Variants in PUDP observed in about 807,000 individuals in gnomAD.
PUDP encodes pseudouridine 5'-phosphatase.
In PUDP, 8 loss-of-function variants were observed where a neutral mutation model predicts 9.4. That is an observed-to-expected ratio of 0.85 (90% CI 0.50 to 1.53). The LOEUF (loss-of-function observed/expected upper bound fraction) is 1.53, where lower values mean the gene tolerates loss of function less well. Ranked by LOEUF, PUDP falls within the 40% of genes most tolerant of loss-of-function variation. The probability of loss-of-function intolerance (pLI) is 0.00; values close to 1 mark genes in which losing one functional copy is unlikely to be tolerated. For synonymous variants in PUDP, 99 were observed against 80.7 expected (o/e 1.23, Z -1.22); for missense variants, 188 against 189.7 (o/e 0.99, Z 0.05).
At chrX:7,081,641 C>T (rs1931091406) in intron 2 of PUDP, among the ~76,000 whole-genome samples, 1 of 112,577 alleles carries the variant, frequency 8.9e-6, no homozygotes, top group Non-Finnish European at 1.9e-5. Flanking sequence ...CTGAGATCTC[C>T]AAAATGCTTG....
intron 3 of PUDP, among the ~76,000 whole-genome samples, chrX:6,869,754 G>A (rs1927144832): frequency 9.0e-6 from 1 of 110,758 alleles, no homozygotes; most frequent in Admixed American, 9.7e-5. Flanking sequence ...AAATTACCCA[G>A]AAGGTAACAA....
intron 3 of PUDP, among the ~76,000 whole-genome samples, chrX:7,072,227 A>G (rs998924316): frequency 8.9e-6 from 1 of 111,811 alleles, no homozygotes; most frequent in African/African-American, 3.3e-5. Context: ...GGTTTCCACG[A>G]AAAAGAGTAG....
chrX:6,955,445 A>G (rs1408177005), intron 3 of PUDP, among the ~76,000 whole-genome samples: 2 of 110,704 alleles, frequency 1.8e-5, no homozygotes, highest in African/African-American at 3.3e-5. Flanking sequence ...GTCGACTTTT[A>G]GTTCTTTATA....
chrX:6,983,135 C>T (rs1425687044), intron 1 of PUDP, among the ~76,000 whole-genome samples: 1 of 112,001 alleles, frequency 8.9e-6, no homozygotes, highest in African/African-American at 3.2e-5. Context: ...TAGACATAGG[C>T]GATTTATCAA....
rs143922185 is a variant in PUDP, at chrX:7,119,105, C to G, written c.62-13267G>C. On this transcript the variant is annotated intron_variant, in intron 1 of 3. Transcript: ENST00000381077. ...CTAACTAATTTCAATGACCTATTAT[C>G]TAAGAAATGTCCTCTCAGACCCGAA... 5.1e-3 allele frequency among the ~76,000 whole-genome samples: 572 copies of G among 112,147 alleles called. 1 individual carries two copies. The highest frequency in any genetic ancestry group is 7.2e-3 in the Non-Finnish European group (382 of 53,260).
intron 3 of PUDP, among the ~76,000 whole-genome samples, chrX:6,913,369 T>G (rs1009219503): frequency 1.8e-5 from 2 of 111,989 alleles, no homozygotes; most frequent in Non-Finnish European, 3.8e-5. Flanking sequence ...GGAAAGACTC[T>G]GTGGAAAACC....
In PUDP at chrX:6,713,417, A is replaced by G. The variant is rs189561200; in HGVS notation, n.129-6951T>C. Among the ~76,000 whole-genome samples, 8 of 111,665 alleles carry G rather than the reference A, an allele frequency of 7.2e-5. No homozygotes were observed. The East Asian group carries it at 1.1e-3, about 16-fold the overall frequency. ...CTCATACAATTTTTTTTTCACTTTC[A>G]GTATAATACTGAAATAAATTTCATG... On this transcript the variant is annotated intron_variant and non_coding_transcript_variant, in intron 1 of 2. Transcript: ENST00000438499.
At chrX:7,131,555 T>G (rs1319136088) in intron 1 of PUDP, among the ~76,000 whole-genome samples, 2 of 109,773 alleles carry the variant, frequency 1.8e-5, no homozygotes, top group South Asian at 4.1e-4. Flanking sequence ...AACGCAGCCC[T>G]GCTGATATCC....
At chrX:6,983,631 G>A (rs6638647) in intron 1 of PUDP, among the ~76,000 whole-genome samples, 6,521 of 111,372 alleles carry the variant, frequency 0.059, 258 homozygotes, top group East Asian at 0.26. Flanking sequence ...CTTTCGGGAA[G>A]GGCTATTATT....
chrX:6,737,927 C>A (rs1245916165), intron 3 of PUDP, among the ~76,000 whole-genome samples: 1 of 111,318 alleles, frequency 9.0e-6, no homozygotes, highest in Non-Finnish European at 1.9e-5. Flanking sequence ...TCCTGAAAGA[C>A]CCAATGGTAG....
At chrX:6,991,498 T>A (rs1929176372) in intron 1 of PUDP, among the ~76,000 whole-genome samples, 1 of 109,631 alleles carries the variant, frequency 9.1e-6, no homozygotes, top group Admixed American at 9.8e-5. Context: ...GGCAACAGAG[T>A]GAGACCCTGT....
intron 3 of PUDP, among the ~76,000 whole-genome samples, chrX:6,780,417 A>G (rs1480485937): frequency 9.0e-6 from 1 of 111,153 alleles, no homozygotes; most frequent in Non-Finnish European, 1.9e-5. Context: ...ATACACATAT[A>G]TTTAGATATA....
chrX:6,961,233 C>G (rs1295535491), intron 3 of PUDP, among the ~76,000 whole-genome samples: 1 of 109,732 alleles, frequency 9.1e-6, no homozygotes, highest in Non-Finnish European at 1.9e-5. Flanking sequence ...AACCCCATCT[C>G]TACAAAAAAC....
chrX:6,908,294 T>C (rs749308449), intron 3 of PUDP, among the ~76,000 whole-genome samples: 2 of 112,569 alleles, frequency 1.8e-5, no homozygotes, highest in Non-Finnish European at 3.8e-5. Context: ...AATTTGTTTT[T>C]TAAATGAAGC....
chrX:7,112,972 G>C (rs1012440351), intron 1 of PUDP: 2 of 112,611 alleles, frequency 1.8e-5, no homozygotes, highest in African/African-American at 6.5e-5. Context: ...CAAGAGTTCA[G>C]CTTTTCACTG....
At chrX:6,786,431 T>A (rs1925648501) in intron 3 of PUDP, among the ~76,000 whole-genome samples, 1 of 111,710 alleles carries the variant, frequency 9.0e-6, no homozygotes, top group Non-Finnish European at 1.9e-5. Flanking sequence ...CTCAAAAAAA[T>A]AAAAATAAAA....
At chrX:6,753,033 C>T (rs1925123434) in intron 3 of PUDP, among the ~76,000 whole-genome samples, 1 of 110,464 alleles carries the variant, frequency 9.1e-6, no homozygotes, top group Admixed American at 9.7e-5. Context: ...CATTTATTAC[C>T]TCTTTAGTGG....
chrX:7,103,451 C>G (rs1931795211), intron 2 of PUDP, among the ~76,000 whole-genome samples: 1 of 112,119 alleles, frequency 8.9e-6, no homozygotes, highest in Non-Finnish European at 1.9e-5. Context: ...AACTAAAACT[C>G]CAGGAAGAAA....
At chrX:6,881,856 C>T (rs896571270) in intron 3 of PUDP, among the ~76,000 whole-genome samples, 2 of 111,582 alleles carry the variant, frequency 1.8e-5, no homozygotes, top group African/African-American at 6.5e-5. Flanking sequence ...CAACAACTCT[C>T]CAATAAAATC....
Sources: allele counts gnomAD v4.1 joint callset (sites outside exome capture counted in the v4.1 genomes callset), GRCh38; gene constraint gnomAD v4.1.1; transcripts MANE v1.5; gene names NCBI Gene and HGNC (gene_info 2026-07-23, HGNC 2026-07-21).